Variants in CNTN4 observed in about 807,000 individuals in gnomAD.
CNTN4 encodes contactin-4.
Under a neutral mutation model 122.5 loss-of-function variants are expected in CNTN4, and 77 were observed. The ratio of observed to expected loss-of-function variants is 0.63; its 90% CI spans 0.52 to 0.76. CNTN4 has a LOEUF of 0.76. Among genes scored for constraint, CNTN4 ranks in the 30% least tolerant of loss-of-function variants. The pLI is 0.00. For synonymous variants in CNTN4, 512 were observed against 447.0 expected, an observed-to-expected ratio of 1.15 and a Z score of -1.83; for missense variants, 1,256 against 1,259.1, an observed-to-expected ratio of 1.00 and a Z score of 0.04.
chr3:2,230,689 A>G (rs1286374804), intron 2 of CNTN4, among the ~76,000 whole-genome samples: 1 of 152,212 alleles, frequency 6.6e-6, no homozygotes, highest in Non-Finnish European at 1.5e-5. Flanking sequence ...TGTTTAATAG[A>G]AACATGATGT....
chr3:2,296,805 A>C (rs1310989702), intron 2 of CNTN4, among the ~76,000 whole-genome samples: 1 of 107,010 alleles, frequency 9.3e-6, no homozygotes, highest in African/African-American at 3.2e-5. Context: ...AAAAAACAAC[A>C]AAAAACTATA....
intron 2 of CNTN4, among the ~76,000 whole-genome samples, chr3:2,218,436 C>G (rs933066787): frequency 3.9e-5 from 6 of 152,138 alleles, no homozygotes; most frequent in African/African-American, 7.2e-5. Flanking sequence ...AAGAGGATCC[C>G]TCGAGCCTGG....
At chr3:2,353,882 G>A (rs2044753113) in intron 3 of CNTN4, among the ~76,000 whole-genome samples, 1 of 152,058 alleles carries the variant, frequency 6.6e-6, no homozygotes, top group African/African-American at 2.4e-5. Flanking sequence ...CTGGGCGACA[G>A]AGCGAGACTC....
chr3:2,337,585 G>A (rs145848500), intron 2 of CNTN4, among the ~76,000 whole-genome samples: 198 of 152,184 alleles, frequency 1.3e-3, no homozygotes, highest in African/African-American at 4.5e-3. Flanking sequence ...AATTGTTCAA[G>A]ATCACATGAT....
At chr3:2,236,318 T>A (rs1358560962) in intron 2 of CNTN4, among the ~76,000 whole-genome samples, 2 of 152,184 alleles carry the variant, frequency 1.3e-5, no homozygotes, top group African/African-American at 4.8e-5. Flanking sequence ...CCTCTCTTAC[T>A]TTACTTCCTT....
At chr3:2,734,461 C>T (rs2088931998) in intron 4 of CNTN4, among the ~76,000 whole-genome samples, 1 of 152,118 alleles carries the variant, frequency 6.6e-6, no homozygotes, top group Admixed American at 6.5e-5. Context: ...GGTGATTTTC[C>T]TGAGGTCCTG....
chr3:2,515,917 T>TAC (rs1553676049), intron 3 of CNTN4, among the ~76,000 whole-genome samples: 3 of 152,022 alleles, frequency 2.0e-5, no homozygotes, highest in African/African-American at 4.8e-5. Context: ...TATATATATA[T>TAC]ACACACACAC....
At chr3:2,318,759 C>T (rs2043191208) in intron 2 of CNTN4, among the ~76,000 whole-genome samples, 1 of 152,222 alleles carries the variant, frequency 6.6e-6, no homozygotes, top group African/African-American at 2.4e-5. Flanking sequence ...CCTGCCTCCT[C>T]CTCCCAAGTA....
intron 7 of CNTN4, among the ~76,000 whole-genome samples, chr3:2,860,698 C>A (rs1004599507): frequency 6.6e-6 from 1 of 152,188 alleles, no homozygotes; most frequent in Non-Finnish European, 1.5e-5. Flanking sequence ...TGGATGACAG[C>A]TCACATATGA....
At chr3:2,487,828 A>G (rs750723523) in intron 3 of CNTN4, among the ~76,000 whole-genome samples, 2 of 152,244 alleles carry the variant, frequency 1.3e-5, no homozygotes, top group Non-Finnish European at 2.9e-5. Flanking sequence ...AAAGGAAACA[A>G]TATTAGCATT....
chr3:2,906,943 C>G (rs2151186265), intron 12 of CNTN4, among the ~76,000 whole-genome samples: 1 of 152,094 alleles, frequency 6.6e-6, no homozygotes, highest in African/African-American at 2.4e-5. Context: ...TGCAAGTTCC[C>G]TATTTAATAT....
At chr3:2,837,003 G>A (rs758433751) in intron 7 of CNTN4, among the ~76,000 whole-genome samples, 7 of 152,010 alleles carry the variant, frequency 4.6e-5, no homozygotes, top group Non-Finnish European at 7.4e-5. Context: ...ATGAAACAAG[G>A]TTTATAATTA....
At chr3:2,864,202 C>T (rs2093699229) in intron 7 of CNTN4, among the ~76,000 whole-genome samples, 1 of 152,134 alleles carries the variant, frequency 6.6e-6, no homozygotes, top group African/African-American at 2.4e-5. Context: ...TAAAATTGTC[C>T]TCATTTTATG....
At chr3:2,596,766 A>T (rs1265335327) in intron 4 of CNTN4, among the ~76,000 whole-genome samples, 1 of 152,198 alleles carries the variant, frequency 6.6e-6, no homozygotes, top group Non-Finnish European at 1.5e-5. Flanking sequence ...ATCACTATTC[A>T]ATACTGCAGA....
intron 14 of CNTN4, among the ~76,000 whole-genome samples, chr3:3,024,384 TAAAA>T (rs55892513): frequency 4.4e-5 from 4 of 90,256 alleles, no homozygotes; most frequent in African/African-American, 8.4e-5. Flanking sequence ...TTTTCCTCAT[TAAAA>T]AAAAAAAAAA....
intron 3 of CNTN4, among the ~76,000 whole-genome samples, chr3:2,546,387 A>G (rs550915664): frequency 4.0e-4 from 61 of 152,092 alleles, no homozygotes; most frequent in Non-Finnish European, 7.5e-4. Flanking sequence ...GGAGGCCATC[A>G]TCCTAATCAA....
chr3:2,985,563 C>T (rs1694478114), intron 13 of CNTN4: 1 of 152,400 alleles, frequency 6.6e-6, no homozygotes, highest in Non-Finnish European at 1.5e-5. Context: ...GCAGTTACCA[C>T]CTCACTGGCC....
chr3:2,556,085 G>A (rs1419723439), intron 3 of CNTN4, among the ~76,000 whole-genome samples: 1 of 152,068 alleles, frequency 6.6e-6, no homozygotes, highest in African/African-American at 2.4e-5. Flanking sequence ...TTTCCATTTG[G>A]GGGTTACTGG....
intron 6 of CNTN4, among the ~76,000 whole-genome samples, chr3:2,789,950 A>G (rs1453170089): frequency 1.3e-5 from 2 of 152,236 alleles, no homozygotes; most frequent in African/African-American, 4.8e-5. Flanking sequence ...AGAGTATCCA[A>G]GGAAGGTAGC....
Sources: allele counts gnomAD v4.1 joint callset (sites outside exome capture counted in the v4.1 genomes callset), GRCh38; gene constraint gnomAD v4.1.1; transcripts MANE v1.5; gene names NCBI Gene and HGNC (gene_info 2026-07-23, HGNC 2026-07-21).